GRIN2B: variants seen among roughly 807,000 people sequenced by gnomAD.
The protein encoded by GRIN2B is glutamate ionotropic receptor NMDA type subunit 2B, also known as glutamate receptor ionotropic, NMDA 2B.
GRIN2B carries 5 observed loss-of-function variants against 114.5 expected under a neutral mutation model. That is an observed-to-expected ratio of 0.04 (90% CI 0.02 to 0.09). GRIN2B has a LOEUF of 0.09. GRIN2B is among the 10% of genes least tolerant of loss of function. The pLI is 1.00. For synonymous variants in GRIN2B, 787 were observed against 745.1 expected, an observed-to-expected ratio of 1.06 and a Z score of -0.92; for missense variants, 1,108 against 1,943.5, an observed-to-expected ratio of 0.57 and a Z score of 8.08.
At chr12:13,916,414 T>G (rs907969070) in intron 2 of GRIN2B, among the ~76,000 whole-genome samples, 1 of 152,068 alleles carries the variant, frequency 6.6e-6, no homozygotes, top group Non-Finnish European at 1.5e-5. Context: ...TCTTGTGTGG[T>G]TTCATGATCT....
rs200449847 is a variant in GRIN2B, at chr12:13,562,669, C to G, written c.*114G>C. The G allele has an allele frequency of 1.1e-6, 1 of 926,458 alleles. No individual in the cohort carries two copies. The highest frequency in any genetic ancestry group is 1.3e-5 in the South Asian group (1 of 74,088). The allele number at this position is 926,458 out of a possible 1,614,324, so 57.4% of individuals were successfully genotyped here. ...CCAGGATCCCATAAATAAATTAAAACAAGAAAGGAGCAAATGGGAACCAAG... is the reference window on the plus strand; with the variant it reads ...CCAGGATCCCATAAATAAATTAAAAGAAGAAAGGAGCAAATGGGAACCAAG... On this transcript the variant is annotated 3_prime_UTR_variant, in exon 14 of 14. Coordinates refer to ENST00000609686, the MANE Select transcript of GRIN2B (RefSeq NM_000834.5).
chr12:13,696,918 A>G (rs189032588), intron 4 of GRIN2B, among the ~76,000 whole-genome samples: 189 of 152,280 alleles, frequency 1.2e-3, no homozygotes, highest in African/African-American at 4.3e-3. Flanking sequence ...AGCAGAACTT[A>G]ATAATGCTTT....
At chr12:13,650,012 A>T (rs1403757238) in intron 5 of GRIN2B, among the ~76,000 whole-genome samples, 1 of 152,056 alleles carries the variant, frequency 6.6e-6, no homozygotes, top group East Asian at 1.9e-4. Context: ...CAGCCACTAT[A>T]CACCATGCTG....
At chr12:13,878,180 G>A (rs1018159919) in intron 2 of GRIN2B, among the ~76,000 whole-genome samples, 2 of 152,034 alleles carry the variant, frequency 1.3e-5, no homozygotes, top group African/African-American at 4.8e-5. Context: ...TTCCAGGTGG[G>A]TTTCGCCAAT....
chr12:13,790,133 C>T (rs1292325689), intron 3 of GRIN2B, among the ~76,000 whole-genome samples: 1 of 152,184 alleles, frequency 6.6e-6, no homozygotes, highest in African/African-American at 2.4e-5. Context: ...TGGATTAATC[C>T]TCTCCTCTCC....
intron 12 of GRIN2B, among the ~76,000 whole-genome samples, chr12:13,569,328 T>A (rs1948678175): frequency 6.6e-6 from 1 of 152,124 alleles, no homozygotes; most frequent in African/African-American, 2.4e-5. Context: ...TAAGCTGAGA[T>A]CATCCCAGAG....
Position 13,608,836 on chromosome 12 carries a change from G to T in GRIN2B, c.1781-4C>A, listed in dbSNP as rs371286528. The T allele has an allele frequency of 1.5e-5, 24 of 1,608,970 alleles. No homozygotes were observed. Among genetic ancestry groups the T allele is most frequent in the Non-Finnish European group, 1.9e-5 (22 of 1,175,550 alleles). On this transcript the variant is annotated splice_region_variant and splice_polypyrimidine_tract_variant and intron_variant, in intron 9 of 13. Transcript: ENST00000609686. ...GTGAAAGAGGGTCCACCAGGCTCTG[G>T]CATGACAAAAAGACAAGGACGAAAG...
At chr12:13,824,015 A>G (rs1864985628) in intron 3 of GRIN2B, among the ~76,000 whole-genome samples, 1 of 152,138 alleles carries the variant, frequency 6.6e-6, no homozygotes, top group Non-Finnish European at 1.5e-5. Flanking sequence ...TATCCTTTTT[A>G]TATCTTGCTG....
chr12:13,674,970 C>A (rs1017806365), intron 5 of GRIN2B, among the ~76,000 whole-genome samples: 6 of 152,148 alleles, frequency 3.9e-5, no homozygotes, highest in African/African-American at 1.4e-4. Flanking sequence ...AAGAGCACTG[C>A]AGAACATATT....
chr12:13,651,506 G>A (rs964888584), intron 5 of GRIN2B, among the ~76,000 whole-genome samples: 3 of 152,026 alleles, frequency 2.0e-5, no homozygotes, highest in Non-Finnish European at 4.4e-5. Context: ...GCATAAAATG[G>A]TGGCTCAATG....
At chr12:13,722,276 T>C (rs951148220) in intron 4 of GRIN2B, among the ~76,000 whole-genome samples, 1 of 152,012 alleles carries the variant, frequency 6.6e-6, no homozygotes, top group African/African-American at 2.4e-5. Flanking sequence ...TTTTAATATA[T>C]AGAATGTACT....
intron 2 of GRIN2B, among the ~76,000 whole-genome samples, chr12:13,902,539 G>A (rs776023107): frequency 6.6e-6 from 1 of 152,074 alleles, no homozygotes; most frequent in Non-Finnish European, 1.5e-5. Context: ...CGCCGGGCAT[G>A]GTGGCTCATG....
intron 10 of GRIN2B, among the ~76,000 whole-genome samples, chr12:13,607,238 TTATATAAAAAA>T (rs1949270366): frequency 1.1e-5 from 1 of 88,184 alleles, no homozygotes; most frequent in Non-Finnish European, 2.0e-5. Context: ...ATAATATATA[TTATATAAAAAA>T]TATATATTAT....
intron 2 of GRIN2B, among the ~76,000 whole-genome samples, chr12:13,874,085 C>T (rs1591597029): frequency 6.6e-6 from 1 of 152,196 alleles, no homozygotes; most frequent in African/African-American, 2.4e-5. Flanking sequence ...CCTGTAGACC[C>T]TTAGAAGAAG....
intron 3 of GRIN2B, among the ~76,000 whole-genome samples, chr12:13,850,322 T>A (rs1865538240): frequency 6.6e-6 from 1 of 152,118 alleles, no homozygotes; most frequent in South Asian, 2.1e-4. Context: ...CACACCATGG[T>A]ACAGAAAAAA....
rs373161067 is a variant in GRIN2B, at chr12:13,931,351, C to T, written c.-19+48577G>A. Among the ~76,000 whole-genome samples the T allele has an allele frequency of 9.2e-5, 14 of 152,190 alleles. No individual in the cohort carries two copies. In the East Asian group the frequency reaches 2.3e-3, roughly 25 times the overall value. On this transcript the variant is annotated intron_variant, in intron 2 of 13. Coordinates refer to ENST00000609686, the MANE Select transcript of GRIN2B (RefSeq NM_000834.5). The stretch of plus-strand genomic sequence containing the variant: ...TCTGCATTCAACAATGTTGACTACC[C>T]TCTTATTTGTGAAATGATTCCTTTT...
intron 4 of GRIN2B, among the ~76,000 whole-genome samples, chr12:13,751,389 G>A (rs527819687): frequency 6.6e-6 from 1 of 152,288 alleles, no homozygotes; most frequent in South Asian, 2.1e-4. Context: ...GAACTTGGAG[G>A]AGGAAGATCA....
At chr12:13,810,232 T>C (rs1300618160) in intron 3 of GRIN2B, among the ~76,000 whole-genome samples, 26 of 151,918 alleles carry the variant, frequency 1.7e-4, no homozygotes, top group Non-Finnish European at 3.5e-4. Context: ...TTTTTTTTTT[T>C]CGAGACAGAG....
chr12:13,548,128 G>C lies in GRIN2B; in HGVS notation c.*14655C>G, dbSNP rs1034266690. Reference sequence around the variant, plus strand: ...TTCCACCCCTAGGCTCAGTGGGAAAGAGTTTAAGTTCATGTGGATCTTGCT... The same window carrying C: ...TTCCACCCCTAGGCTCAGTGGGAAACAGTTTAAGTTCATGTGGATCTTGCT... On this transcript the variant is annotated 3_prime_UTR_variant, in exon 14 of 14. Transcript: ENST00000609686. 1.3e-5 allele frequency: 2 copies of C among 151,754 alleles called. No homozygotes were observed. Among genetic ancestry groups the C allele is most frequent in the East Asian group, 1.9e-4 (1 of 5,140 alleles). 9.4% of individuals were successfully genotyped at this position (151,754 alleles called of 1,614,324 possible).
Sources: allele counts gnomAD v4.1 joint callset (sites outside exome capture counted in the v4.1 genomes callset), GRCh38; gene constraint gnomAD v4.1.1; transcripts MANE v1.5; gene names NCBI Gene and HGNC (gene_info 2026-07-23, HGNC 2026-07-21).